PPP6R1: variants seen among roughly 807,000 people sequenced by gnomAD.
PPP6R1 encodes the protein protein phosphatase 6 regulatory subunit 1.
PPP6R1 carries 39 observed loss-of-function variants against 104.6 expected under a neutral mutation model. The ratio of observed to expected loss-of-function variants is 0.37; its 90% CI spans 0.29 to 0.49. The LOEUF (loss-of-function observed/expected upper bound fraction) is 0.49, where lower values mean the gene tolerates loss of function less well. Ranked by LOEUF, PPP6R1 falls within the 20% of genes least tolerant of loss-of-function variation. PPP6R1 has a pLI of 0.98. For synonymous variants in PPP6R1, 549 were observed against 479.0 expected (o/e 1.15, Z -1.91); for missense variants, 1,181 against 1,155.8 (o/e 1.02, Z -0.32).
intron 17 of PPP6R1, 134 bp from the exon 18 acceptor site, chr19:55,232,345 G>A: frequency 7.3e-7 from 1 of 1,365,262 alleles, no homozygotes; most frequent in Non-Finnish European, 9.6e-7. Flanking sequence ...GGTCCAGGGA[G>A]CCTGGGGTGT....
At chr19:55,243,130 T>C (rs537742224) in intron 5 of PPP6R1, among the ~76,000 whole-genome samples, 3 of 151,868 alleles carry the variant, frequency 2.0e-5, no homozygotes, top group South Asian at 4.2e-4. Context: ...AAGGCCGAGG[T>C]GGGGCCGGGC....
intron 17 of PPP6R1, among the ~76,000 whole-genome samples, chr19:55,233,703 G>A (rs773302146): frequency 6.6e-6 from 1 of 152,092 alleles, no homozygotes. Flanking sequence ...ACAGAAAGAA[G>A]AAAACAGGAA....
chr19:55,231,379 C>T (rs750922563), intron 21 of PPP6R1, 31 bp downstream of exon 21: 19 of 1,553,452 alleles, frequency 1.2e-5, no homozygotes, highest in Middle Eastern at 2.0e-4. Flanking sequence ...AGACTTCTCC[C>T]GATACTAGGC....
At chr19:55,243,335 C>G (rs2087476508) in intron 5 of PPP6R1, among the ~76,000 whole-genome samples, 1 of 149,862 alleles carries the variant, frequency 6.7e-6, no homozygotes, top group Non-Finnish European at 1.5e-5. Context: ...ATCGCTTGAA[C>G]CTGGGAGGTG....
In PPP6R1 at chr19:55,230,170, C is replaced by T. The variant is rs529259229; in HGVS notation, c.*358G>A. ...CCCCTAACACCAGCTCCCGCTGGGA[C>T]GGAACAGGGAAGGCTGTGCTTTGGA... On this transcript the variant is annotated 3_prime_UTR_variant, in exon 24 of 24. Coordinates refer to ENST00000412770, the MANE Select transcript of PPP6R1 (RefSeq NM_014931.4). 3.5e-4 allele frequency: 88 copies of T among 254,864 alleles called. 2 individuals are homozygous for T. The highest frequency in any genetic ancestry group is 2.7e-3 in the Middle Eastern group (2 of 746). 15.8% of individuals were successfully genotyped at this position (254,864 alleles called of 1,614,324 possible).
At chr19:55,228,980 C>T, downstream of PPP6R1, 3 of 511,694 alleles carry the variant, frequency 5.9e-6, no homozygotes, top group Non-Finnish European at 1.1e-5. Flanking sequence ...GCTTCCTCCT[C>T]CTATCTGCCT....
chr19:55,241,140 TGAGCCCCCAGCC>T lies in PPP6R1; in HGVS notation c.1162-73_1162-62del, dbSNP rs2087452570. On this transcript the variant is annotated intron_variant, in intron 9 of 23. Transcript: ENST00000412770. This position sits in a 1 kb window ranked among gnomAD's most constrained non-coding sequence, Gnocchi z 5.4. ...CCGCCCCAGCCGAGCCCCCAACCCC[TGAGCCCCCAGCC>T]GAGCCCCCACCCCAGCCCCCGAACC... is the stretch of plus-strand genomic sequence containing the variant. 4.3e-6 allele frequency: 2 copies of T among 470,436 alleles called. No individual in the cohort carries two copies. Among genetic ancestry groups the T allele is most frequent in the African/African-American group, 7.6e-5 (1 of 13,180 alleles). The allele number at this position is 470,436 out of a possible 1,614,324, so 29.1% of individuals were successfully genotyped here. A position where few individuals can be genotyped will look rare whatever the true frequency, so the allele number is the denominator to read the frequency against.
intron 10 of PPP6R1, 54 bp from the exon 11 acceptor site, chr19:55,240,354 G>A (rs2122607091): frequency 2.0e-6 from 3 of 1,528,806 alleles, no homozygotes; most frequent in Non-Finnish European, 1.8e-6. Flanking sequence ...CACATGTGGG[G>A]AGCTCTGCAC....
chr19:55,255,527 T>C (rs1011876605), intron 1 of PPP6R1: 5 of 151,930 alleles, frequency 3.3e-5, no homozygotes, highest in African/African-American at 1.2e-4. Flanking sequence ...GGCAGCACTC[T>C]CTGGAGAAGG....
intron 2 of PPP6R1, 74 bp downstream of exon 2, chr19:55,246,803 A>G (rs907619766): frequency 1.5e-6 from 2 of 1,292,718 alleles, no homozygotes; most frequent in African/African-American, 3.0e-5. Flanking sequence ...ATTTCAGGGT[A>G]GCTGTGAGGC....
chr19:55,248,063 A>G (rs1568950109), intron 1 of PPP6R1, among the ~76,000 whole-genome samples: 1 of 152,218 alleles, frequency 6.6e-6, no homozygotes, highest in Non-Finnish European at 1.5e-5. Context: ...CACACAGAGT[A>G]TTAACAAGAT....
At chr19:55,239,164 A>G in intron 15 of PPP6R1, 1 of 533,054 alleles carries the variant, frequency 1.9e-6, no homozygotes, top group Non-Finnish European at 3.4e-6. Flanking sequence ...TTTGTGCCCC[A>G]CCCTCATGGC....
At chr19:55,243,987 G>A (rs904092943) in intron 5 of PPP6R1, among the ~76,000 whole-genome samples, 3 of 152,284 alleles carry the variant, frequency 2.0e-5, no homozygotes, top group Non-Finnish European at 2.9e-5. Context: ...GATGATAAAC[G>A]CTTTGAATAC....
intron 1 of PPP6R1, among the ~76,000 whole-genome samples, chr19:55,251,045 C>T (rs1600116729): frequency 6.6e-6 from 1 of 152,300 alleles, no homozygotes; most frequent in African/African-American, 2.4e-5. Flanking sequence ...TAATAACTCA[C>T]TTTCTCATCC....
At chr19:55,247,971 C>A (rs1346311067) in intron 1 of PPP6R1, among the ~76,000 whole-genome samples, 1 of 152,232 alleles carries the variant, frequency 6.6e-6, no homozygotes, top group Non-Finnish European at 1.5e-5. Context: ...CTCCCGCCCT[C>A]TGGAGGACAG....
chr19:55,230,263 A>G lies in PPP6R1; in HGVS notation c.*265T>C. The G allele has an allele frequency of 1.8e-6, 1 of 558,344 alleles. No homozygotes were observed. 34.6% of individuals were successfully genotyped at this position (558,344 alleles called of 1,614,324 possible). Reference sequence around the variant, plus strand: ...TCCCTCTCTCTATATAATATATAATATATGTTTCTCTCTCTCCATTCTCTC... The same window carrying G: ...TCCCTCTCTCTATATAATATATAATGTATGTTTCTCTCTCTCCATTCTCTC... On this transcript the variant is annotated 3_prime_UTR_variant, in exon 24 of 24. Transcript: ENST00000412770.
Position 55,241,887 on chromosome 19 carries a change from C to A in PPP6R1, c.846-248G>T, listed in dbSNP as rs2087461752. ...GAGGCGGGAAGGCAAACCCAACAGGCTAGCGGCCTGTGTGGTAAGGCAGGG... is the reference window on the plus strand; with the variant it reads ...GAGGCGGGAAGGCAAACCCAACAGGATAGCGGCCTGTGTGGTAAGGCAGGG... On this transcript the variant is annotated intron_variant, in intron 7 of 23. Coordinates refer to ENST00000412770, the MANE Select transcript of PPP6R1 (RefSeq NM_014931.4). The surrounding 1 kb of genome is among the most constrained non-coding windows in gnomAD (Gnocchi z 5.4). Among the ~76,000 whole-genome samples the A allele has an allele frequency of 1.3e-5, 2 of 152,198 alleles. No homozygotes were observed. The highest frequency in any genetic ancestry group is 4.8e-5 in the African/African-American group (2 of 41,456).
intron 1 of PPP6R1, among the ~76,000 whole-genome samples, chr19:55,248,498 A>G (rs2087528461): frequency 6.6e-6 from 1 of 152,238 alleles, no homozygotes; most frequent in Non-Finnish European, 1.5e-5. Flanking sequence ...CTGAGAACAG[A>G]GCAGAGCCGG....
At chr19:55,256,029 T>C (rs1467848054) in intron 1 of PPP6R1, among the ~76,000 whole-genome samples, 1 of 152,116 alleles carries the variant, frequency 6.6e-6, no homozygotes, top group Non-Finnish European at 1.5e-5. Flanking sequence ...TAATGAAAAC[T>C]GAAGCCAGAG....
Sources: allele counts gnomAD v4.1 joint callset (sites outside exome capture counted in the v4.1 genomes callset), GRCh38; gene constraint gnomAD v4.1.1; non-coding constraint Gnocchi (gnomAD v3.1); transcripts MANE v1.5; gene names NCBI Gene and HGNC (gene_info 2026-07-23, HGNC 2026-07-21).